RAD51B: variants seen among roughly 807,000 people sequenced by gnomAD.
RAD51B encodes the protein RAD51 paralog B, also known as DNA repair protein RAD51 homolog 2.
A neutral mutation model predicts 42.2 loss-of-function variants in RAD51B; 38 were observed. The observed-to-expected ratio is 0.90, with a 90% confidence interval of 0.70 to 1.18. The LOEUF (loss-of-function observed/expected upper bound fraction) is 1.18. RAD51B is among the 50% of genes most tolerant of loss of function. RAD51B has a pLI of 0.00. For missense variants in RAD51B, 373 were observed against 400.7 expected (o/e 0.93, Z 0.59); for synonymous variants, 154 against 145.2 (o/e 1.06, Z -0.43).
intron 7 of RAD51B, among the ~76,000 whole-genome samples, chr14:67,958,397 A>G (rs191787313): frequency 1.3e-5 from 2 of 152,320 alleles, no homozygotes; most frequent in Non-Finnish European, 1.5e-5. Flanking sequence ...AAACACGGCT[A>G]TATGAGATCT....
chr14:68,223,255 A>T (rs2079966958), intron 7 of RAD51B, among the ~76,000 whole-genome samples: 1 of 152,214 alleles, frequency 6.6e-6, no homozygotes, highest in Non-Finnish European at 1.5e-5. Flanking sequence ...ATCTCCTCCA[A>T]GACGGTTTCT....
intron 7 of RAD51B, among the ~76,000 whole-genome samples, chr14:68,167,995 T>A (rs2078788048): frequency 6.6e-6 from 1 of 152,130 alleles, no homozygotes; most frequent in Admixed American, 6.6e-5. Flanking sequence ...AACTCGCTAT[T>A]CTTTTTCGTG....
intron 10 of RAD51B, among the ~76,000 whole-genome samples, chr14:68,575,527 A>G (rs868475668): frequency 3.9e-5 from 6 of 152,108 alleles, no homozygotes; most frequent in African/African-American, 1.4e-4. Flanking sequence ...ATTGAAATGG[A>G]CCGTTGAATC....
chr14:68,530,446 CAAAAAAAAAAAA>C (rs35454756), intron 10 of RAD51B, among the ~76,000 whole-genome samples: 3 of 67,844 alleles, frequency 4.4e-5, no homozygotes, highest in Non-Finnish European at 8.5e-5. Flanking sequence ...GACCCTGTCT[CAAAAAAAAAAAA>C]AAAAAAAAAA....
At chr14:68,039,246 T>C in intron 7 of RAD51B, among the ~76,000 whole-genome samples, 1 of 152,030 alleles carries the variant, frequency 6.6e-6, no homozygotes, top group East Asian at 1.9e-4. Context: ...CTGGCCAACA[T>C]GGTGAAACCC....
chr14:68,633,993 T>C (rs1457380614), intron 10 of RAD51B, among the ~76,000 whole-genome samples: 1 of 152,194 alleles, frequency 6.6e-6, no homozygotes, highest in African/African-American at 2.4e-5. Flanking sequence ...TTCCAGTTGC[T>C]TGTCACTGAC....
intron 10 of RAD51B, among the ~76,000 whole-genome samples, chr14:68,552,694 G>C (rs1487713044): frequency 6.6e-6 from 1 of 151,892 alleles, no homozygotes; most frequent in Non-Finnish European, 1.5e-5. Flanking sequence ...CCTGTCCCAT[G>C]ATGGAAAAAA....
chr14:68,385,268 C>G (rs976561337), intron 8 of RAD51B, among the ~76,000 whole-genome samples: 1 of 152,146 alleles, frequency 6.6e-6, no homozygotes. Flanking sequence ...GAAGTTTTCT[C>G]CCCAGCCCCT....
intron 10 of RAD51B, among the ~76,000 whole-genome samples, chr14:68,561,142 A>G (rs1311287690): frequency 6.6e-6 from 1 of 152,106 alleles, no homozygotes; most frequent in Non-Finnish European, 1.5e-5. Flanking sequence ...CAGCCTCCCC[A>G]GCTGAGAACT....
chr14:68,610,547 G>A (rs1203777512), intron 10 of RAD51B, among the ~76,000 whole-genome samples: 2 of 152,192 alleles, frequency 1.3e-5, no homozygotes, highest in African/African-American at 4.8e-5. Context: ...TTGTCACTCA[G>A]CAGATGTTGC....
chr14:68,239,494 TC>T (rs1356269343), intron 7 of RAD51B, among the ~76,000 whole-genome samples: 1 of 151,498 alleles, frequency 6.6e-6, no homozygotes, highest in Non-Finnish European at 1.5e-5. Flanking sequence ...CAAAAAGCTG[TC>T]CTTCTCCACA....
chr14:68,088,797 CT>C (rs1177492849), intron 7 of RAD51B, among the ~76,000 whole-genome samples: 1 of 151,990 alleles, frequency 6.6e-6, no homozygotes, highest in African/African-American at 2.4e-5. Flanking sequence ...GGCTCAGTTG[CT>C]GTATGGGCGT....
intron 8 of RAD51B, among the ~76,000 whole-genome samples, chr14:68,324,658 G>GT (rs2082216730): frequency 6.6e-6 from 1 of 152,212 alleles, no homozygotes; most frequent in East Asian, 1.9e-4. Context: ...TGAATATAAA[G>GT]TTTTTTTCTA....
At chr14:68,023,714 T>G (rs983237169) in intron 7 of RAD51B, among the ~76,000 whole-genome samples, 1 of 152,184 alleles carries the variant, frequency 6.6e-6, no homozygotes, top group Non-Finnish European at 1.5e-5. Context: ...TGTTGAATTG[T>G]TTAAATTCCT....
intron 10 of RAD51B, among the ~76,000 whole-genome samples, chr14:68,486,947 A>G (rs182338874): frequency 7.7e-4 from 117 of 152,294 alleles, no homozygotes; most frequent in Admixed American, 6.3e-3. Context: ...TGGAGAAACC[A>G]TAGACCTTCT....
At chr14:68,333,672 G>T (rs1427946308) in intron 8 of RAD51B, among the ~76,000 whole-genome samples, 1 of 152,134 alleles carries the variant, frequency 6.6e-6, no homozygotes, top group Non-Finnish European at 1.5e-5. Flanking sequence ...AGATAACATT[G>T]TACGTTATAA....
At chr14:68,147,745 C>G (rs2078283205) in intron 7 of RAD51B, among the ~76,000 whole-genome samples, 1 of 149,820 alleles carries the variant, frequency 6.7e-6, no homozygotes, top group African/African-American at 2.5e-5. Flanking sequence ...TACAACACAG[C>G]TGGAAGGAAT....
intron 8 of RAD51B, among the ~76,000 whole-genome samples, chr14:68,315,715 G>T (rs181149198): frequency 2.7e-4 from 41 of 152,154 alleles, no homozygotes; most frequent in East Asian, 3.9e-4. Flanking sequence ...GTAGAGACAG[G>T]GTTTCACCAT....
At position 67,825,542 on chromosome 14, in the gene RAD51B, A is replaced by G. The variant is rs1249013053; in HGVS notation, c.163A>G (p.Met55Val). The G allele has an allele frequency of 2.5e-6, 4 of 1,613,300 alleles. No homozygotes were observed. The highest frequency in any genetic ancestry group is 2.2e-5 in the East Asian group (1 of 44,848). ...TCGAGGTGTCCATGAACTTCTATGT[A>G]TGGTCAGCAGGGCCTGTGCCCCAAA... ...SYRGVHELLCMVSRACAPKMQ... is the reference protein window; with the variant it reads ...SYRGVHELLCVVSRACAPKMQ... The change falls in exon 3 of 11, where the codon ATG (methionine) becomes GTG (valine). Residue 55 changes from methionine to valine, a missense_variant. By Grantham distance (21) the Met-to-Val change is conservative. Transcript: ENST00000471583.
Sources: allele counts gnomAD v4.1 joint callset (sites outside exome capture counted in the v4.1 genomes callset), GRCh38; gene constraint gnomAD v4.1.1; transcripts MANE v1.5; gene names NCBI Gene and HGNC (gene_info 2026-07-23, HGNC 2026-07-21).